Variants in DICER1 observed in about 807,000 individuals in gnomAD.
The protein encoded by DICER1 is dicer 1, ribonuclease III, also known as endoribonuclease Dicer.
Under a neutral mutation model 194.1 loss-of-function variants are expected in DICER1, and 43 were observed. The ratio of observed to expected loss-of-function variants is 0.22; its 90% CI spans 0.17 to 0.29. DICER1 has a LOEUF of 0.29. DICER1 is among the 10% of genes least tolerant of loss of function. The probability of loss-of-function intolerance (pLI) is 1.00; values close to 1 mark genes in which losing one functional copy is unlikely to be tolerated. For synonymous variants in DICER1, 832 were observed against 820.5 expected (o/e 1.01, Z -0.24); for missense variants, 1,608 against 2,317.0 (o/e 0.69, Z 6.28).
intron 11 of DICER1, among the ~76,000 whole-genome samples, chr14:95,115,464 T>C (rs932003090): frequency 6.6e-6 from 1 of 152,172 alleles, no homozygotes; most frequent in South Asian, 2.1e-4. Flanking sequence ...CAAGGAATAC[T>C]GAACTTTTAT....
In DICER1 at chr14:95,124,790, G is replaced by A. The variant is rs1595441121; in HGVS notation, c.904-122C>T. Reference sequence around the variant, plus strand: ...CTCCTTAAATGTAACCCAGCCTTAGGTTAAGTCCCTGAAGGTGGGGGGAGA... The same window carrying A: ...CTCCTTAAATGTAACCCAGCCTTAGATTAAGTCCCTGAAGGTGGGGGGAGA... On this transcript the variant is annotated intron_variant, in intron 7 of 26. Coordinates refer to ENST00000343455, the MANE Select transcript of DICER1 (RefSeq NM_177438.3). This position sits in a 1 kb window ranked among gnomAD's most constrained non-coding sequence, Gnocchi z 4.5. 1.2e-6 allele frequency: 1 copy of A among 830,938 alleles called. No homozygotes were observed. The highest frequency in any genetic ancestry group is 1.9e-6 in the Non-Finnish European group (1 of 517,442). The allele number at this position is 830,938 out of a possible 1,614,324, so 51.5% of individuals were successfully genotyped here.
At chr14:95,104,831 T>C (rs1458960967) in intron 20 of DICER1, among the ~76,000 whole-genome samples, 1 of 152,216 alleles carries the variant, frequency 6.6e-6, no homozygotes, top group Non-Finnish European at 1.5e-5. Context: ...AGACTGAAAA[T>C]GCTGATGCAG....
At chr14:95,098,838 A>G (rs888382677) in intron 22 of DICER1, among the ~76,000 whole-genome samples, 4 of 152,226 alleles carry the variant, frequency 2.6e-5, no homozygotes, top group African/African-American at 9.6e-5. Context: ...CAAATACTAC[A>G]TGAGTTAAAA....
At position 95,090,342 on chromosome 14, in the gene DICER1, T is replaced by C. The variant is rs1889678730; in HGVS notation, c.*156A>G. ...AAAATTTTATACATATGTTAAATGTTTTATTCTGTTATCTATCCTGTTATC... is the reference window on the plus strand; with the variant it reads ...AAAATTTTATACATATGTTAAATGTCTTATTCTGTTATCTATCCTGTTATC... On this transcript the variant is annotated 3_prime_UTR_variant, in exon 27 of 27. Coordinates refer to ENST00000343455, the MANE Select transcript of DICER1 (RefSeq NM_177438.3). 1.2e-6 allele frequency: 1 copy of C among 808,200 alleles called. No homozygotes were observed. The highest frequency in any genetic ancestry group is 1.7e-5 in the African/African-American group (1 of 57,458). 50.1% of individuals were successfully genotyped at this position (808,200 alleles called of 1,614,324 possible). A position where few individuals can be genotyped will look rare whatever the true frequency, so the allele number is the denominator to read the frequency against.
Position 95,105,372 on chromosome 14 carries a change from A to G in DICER1, c.3094-126T>C. 1 of 928,064 alleles carries G rather than the reference A, an allele frequency of 1.1e-6. No homozygotes were observed. The highest frequency in any genetic ancestry group is 1.7e-6 in the Non-Finnish European group (1 of 597,508). The allele number at this position is 928,064 out of a possible 1,614,324, so 57.5% of individuals were successfully genotyped here. On this transcript the variant is annotated intron_variant, in intron 19 of 26. Coordinates refer to ENST00000343455, the MANE Select transcript of DICER1 (RefSeq NM_177438.3). The surrounding 1 kb of genome is among the most constrained non-coding windows in gnomAD (Gnocchi z 4.9). ...CTAGTAAAACTTAATTTTAAAAAAT[A>G]TTTGTAAAAATAATCCTCTAAGGCC...
rs988056610 is a variant in DICER1 at position 95,124,318 on chromosome 14, A to G, written c.1254T>C (p.Asp418=). The change falls in exon 8 of 27, where the codon GAT becomes GAC. Residue 418 remains aspartate, a synonymous_variant. Coordinates refer to ENST00000343455, the MANE Select transcript of DICER1 (RefSeq NM_177438.3). The surrounding 1 kb of genome is among the most constrained non-coding windows in gnomAD (Gnocchi z 4.5). ...TTTCTTCAATTTCTTCATCCTCATC[A>G]TCATCCTCAGAATCACTCCATGACA... ...NYVSWSDSED[D]DEDEEIEEKE... is the part of the protein sequence containing the mutation. 2 of 1,613,810 alleles carry G rather than the reference A, an allele frequency of 1.2e-6. No individual in the cohort carries two copies. Among genetic ancestry groups the G allele is most frequent in the Non-Finnish European group, 1.7e-6 (2 of 1,179,890 alleles).
In DICER1 at chr14:95,124,339, T is replaced by A. The variant is rs111595160; in HGVS notation, c.1233A>T (p.Ser411=). 1.9e-6 allele frequency: 3 copies of A among 1,613,970 alleles called. No individual in the cohort carries two copies. Among genetic ancestry groups the A allele is most frequent in the Non-Finnish European group, 2.5e-6 (3 of 1,179,860 alleles). Residue 411 remains serine, a synonymous_variant, in exon 8 of 27, where the codon TCA becomes TCT. Transcript: ENST00000343455. This position sits in a 1 kb window ranked among gnomAD's most constrained non-coding sequence, Gnocchi z 4.5. ...CATCATCATCCTCAGAATCACTCCA[T>A]GACACATAATTATCCTGATTTCTAT... The part of the protein sequence containing the change: ...YNNRNQDNYV[S]WSDSEDDDED...
intron 13 of DICER1, among the ~76,000 whole-genome samples, chr14:95,111,926 G>A (rs906685558): frequency 6.6e-6 from 1 of 152,066 alleles, no homozygotes; most frequent in African/African-American, 2.4e-5. Context: ...TACTTAAAAG[G>A]AGTCATTAAA....
intron 12 of DICER1, 69 bp from the exon 13 acceptor site, chr14:95,112,316 T>A: frequency 8.1e-7 from 1 of 1,238,742 alleles, no homozygotes; most frequent in Non-Finnish European, 1.2e-6. Context: ...ATGAAACACC[T>A]ATGAAACCAC....
In DICER1 at chr14:95,096,286, G is replaced by GA. The variant is rs875989781; in HGVS notation, c.4633dup (p.Ser1545PhefsTer7). ...ACACTGCTCAGTGTGCAAGTCGTAA[G>GA]AAATGGACTGCTTTCCCGTGTCAAC... On this transcript the variant is annotated frameshift_variant, in exon 23 of 27. Transcript: ENST00000343455. LOFTEE classifies it high-confidence loss of function. 6.2e-7 allele frequency: 1 copy of GA among 1,614,224 alleles called. No individual in the cohort carries two copies. Among genetic ancestry groups the GA allele is most frequent in the Non-Finnish European group, 8.5e-7 (1 of 1,180,048 alleles).
intron 24 of DICER1, 109 bp downstream of exon 24, chr14:95,093,779 A>G (rs983668114): frequency 9.0e-6 from 11 of 1,218,320 alleles, no homozygotes; most frequent in East Asian, 7.0e-5. Context: ...TGGGTCCCAC[A>G]CCCCTGACCT....
chr14:95,132,769 A>G (rs774661409), intron 2 of DICER1, 92 bp from the exon 3 acceptor site: 16 of 1,254,594 alleles, frequency 1.3e-5, no homozygotes, highest in Non-Finnish European at 1.7e-5. Context: ...AAATTTCACT[A>G]TTCTCTAAAA....
At chr14:95,150,934 G>A (rs1895474205) in intron 1 of DICER1, among the ~76,000 whole-genome samples, 1 of 152,170 alleles carries the variant, frequency 6.6e-6, no homozygotes, top group Non-Finnish European at 1.5e-5. Context: ...CACAATTATA[G>A]CTCACTGCTA....
At chr14:95,106,505 T>C (rs538807224) in intron 17 of DICER1, among the ~76,000 whole-genome samples, 1 of 152,260 alleles carries the variant, frequency 6.6e-6, no homozygotes, top group East Asian at 1.9e-4. Flanking sequence ...CATATCTATT[T>C]CATCTATATA....
intron 1 of DICER1, among the ~76,000 whole-genome samples, chr14:95,143,182 C>T (rs17091848): frequency 0.018 from 2,682 of 152,258 alleles, 74 homozygotes; most frequent in African/African-American, 0.062. Context: ...GTATGAAGCA[C>T]TTTAAGTTCC....
intron 11 of DICER1, 115 bp downstream of exon 11, chr14:95,115,552 G>T: frequency 8.9e-7 from 1 of 1,122,474 alleles, no homozygotes; most frequent in Non-Finnish European, 1.3e-6. Context: ...CGAAAATATG[G>T]CAAGTCTAAG....
intron 23 of DICER1, chr14:95,095,520 G>A (rs1428289288): frequency 2.6e-5 from 10 of 391,470 alleles, no homozygotes; most frequent in Non-Finnish European, 4.3e-5. Context: ...GATATTTGCG[G>A]AGGATAAAAT....
At chr14:95,135,513 A>C (rs1197073266) in intron 1 of DICER1, among the ~76,000 whole-genome samples, 1 of 152,246 alleles carries the variant, frequency 6.6e-6, no homozygotes, top group Non-Finnish European at 1.5e-5. Flanking sequence ...ACTTTAGAAA[A>C]ATAGTCTAAA....
Position 95,096,050 on chromosome 14 carries a change from C to G in DICER1, c.4870G>C (p.Ala1624Pro), listed in dbSNP as rs372967646. 24 of 1,614,090 alleles carry G rather than the reference C, an allele frequency of 1.5e-5. No individual in the cohort carries two copies. The African/African-American group carries it at 3.2e-4, about 22-fold the overall frequency. ...QKNLSVSCAA[A>P]SVASSRSSVL... ...GAAGAGCGTGAACTGGCCACAGAAG[C>G]AGCAGCACAGCTCACTGAAAGGTTC... The change falls in exon 23 of 27, where the codon GCT becomes CCT. Residue 1624 changes from alanine (A) to proline (P), a missense_variant. By Grantham distance (27) the Ala-to-Pro change is conservative (BLOSUM62 -1). Coordinates refer to ENST00000343455, the MANE Select transcript of DICER1 (RefSeq NM_177438.3).
Sources: allele counts gnomAD v4.1 joint callset (sites outside exome capture counted in the v4.1 genomes callset), GRCh38; gene constraint gnomAD v4.1.1; non-coding constraint Gnocchi (gnomAD v3.1); transcripts MANE v1.5; gene names NCBI Gene and HGNC (gene_info 2026-07-23, HGNC 2026-07-21).